PLXDC2: variants seen among roughly 807,000 people sequenced by gnomAD.
PLXDC2 encodes the protein plexin domain-containing protein 2.
In PLXDC2, 40 loss-of-function variants were observed where a neutral mutation model predicts 68.9. That is an observed-to-expected ratio of 0.58 (90% CI 0.45 to 0.76). The LOEUF is 0.76. PLXDC2 is among the 30% of genes least tolerant of loss of function. The pLI is 0.00. For missense variants in PLXDC2, 644 were observed against 661.9 expected (o/e 0.97, Z 0.30); for synonymous variants, 243 against 234.2 (o/e 1.04, Z -0.34).
intron 1 of PLXDC2, among the ~76,000 whole-genome samples, chr10:19,953,855 A>G (rs938725042): frequency 6.6e-6 from 1 of 152,146 alleles, no homozygotes; most frequent in Non-Finnish European, 1.5e-5. Flanking sequence ...TATGACAGCA[A>G]ATGTACTGTT....
intron 13 of PLXDC2, among the ~76,000 whole-genome samples, chr10:20,267,899 G>A (rs1355520711): frequency 6.6e-6 from 1 of 150,622 alleles, no homozygotes; most frequent in Non-Finnish European, 1.5e-5. Context: ...CTATCATCTG[G>A]CTCACATAAT....
intron 4 of PLXDC2, among the ~76,000 whole-genome samples, chr10:20,126,895 A>C (rs890709942): frequency 2.0e-5 from 3 of 146,736 alleles, no homozygotes; most frequent in Non-Finnish European, 4.5e-5. Flanking sequence ...ATACTATATA[A>C]TATATGTATA....
intron 12 of PLXDC2, among the ~76,000 whole-genome samples, chr10:20,224,803 C>T (rs1221668076): frequency 2.0e-5 from 3 of 152,152 alleles, no homozygotes; most frequent in Admixed American, 2.0e-4. Context: ...AAAGTTTCTT[C>T]TCTTTGATCG....
intron 4 of PLXDC2, among the ~76,000 whole-genome samples, chr10:20,113,820 A>G (rs965004149): frequency 6.6e-6 from 1 of 152,146 alleles, no homozygotes; most frequent in Non-Finnish European, 1.5e-5. Context: ...GCTTATCAGA[A>G]TGCTCTTCCA....
intron 9 of PLXDC2, among the ~76,000 whole-genome samples, chr10:20,188,756 G>A (rs527259600): frequency 6.6e-6 from 1 of 151,910 alleles, no homozygotes; most frequent in East Asian, 1.9e-4. Context: ...AGAAGCTTTT[G>A]AATAAGTGTA....
In PLXDC2 at chr10:19,817,059, T is replaced by C; in HGVS notation, c.-21T>C. 6.8e-7 allele frequency: 1 copy of C among 1,474,036 alleles called. No homozygotes were observed. The allele number at this position is 1,474,036 out of a possible 1,614,324, so 91.3% of individuals were successfully genotyped here. Reference sequence around the variant, plus strand: ...ACCGGCGAAGGACTGGCGGGTGGGGTAGGGAGGTGGCGGCGGCGGCATGGC... The same window carrying C: ...ACCGGCGAAGGACTGGCGGGTGGGGCAGGGAGGTGGCGGCGGCGGCATGGC... On this transcript the variant is annotated 5_prime_UTR_variant, in exon 1 of 14. Transcript: ENST00000377252.
intron 1 of PLXDC2, among the ~76,000 whole-genome samples, chr10:19,884,210 A>G (rs1837796941): frequency 6.6e-6 from 1 of 151,856 alleles, no homozygotes; most frequent in South Asian, 2.1e-4. Flanking sequence ...ACTTTTCAAA[A>G]GTATTGAGGA....
intron 12 of PLXDC2, among the ~76,000 whole-genome samples, chr10:20,240,128 T>C (rs1835495240): frequency 6.6e-6 from 1 of 152,196 alleles, no homozygotes; most frequent in Non-Finnish European, 1.5e-5. Context: ...CCCTTCTTTG[T>C]GTCCGTATGT....
chr10:20,201,318 C>T (rs570640400), intron 9 of PLXDC2, among the ~76,000 whole-genome samples: 1 of 151,904 alleles, frequency 6.6e-6, no homozygotes, highest in Non-Finnish European at 1.5e-5. Flanking sequence ...CATTCTCATT[C>T]ATATGCAGAA....
intron 2 of PLXDC2, among the ~76,000 whole-genome samples, chr10:20,032,261 G>A (rs927775001): frequency 2.6e-5 from 4 of 152,194 alleles, no homozygotes; most frequent in Non-Finnish European, 5.9e-5. Flanking sequence ...CAGGTGCAAT[G>A]TATGATGTTG....
In PLXDC2 at chr10:20,075,481, C is replaced by T. The variant is rs1458311599; in HGVS notation, c.541+7242C>T. On this transcript the variant is annotated intron_variant, in intron 4 of 13. Transcript: ENST00000377252. ...CTGGGATTACAGGTGTGAGACACTGCGCCAAGCTATGTTGTTTTGTCTTTC... is the reference window on the plus strand; with the variant it reads ...CTGGGATTACAGGTGTGAGACACTGTGCCAAGCTATGTTGTTTTGTCTTTC... 7.2e-5 allele frequency among the ~76,000 whole-genome samples: 11 copies of T among 152,246 alleles called. No homozygotes were observed. The East Asian group carries it at 9.7e-4, about 13-fold the overall frequency.
chr10:20,263,893 A>G (rs1835839672), intron 13 of PLXDC2, among the ~76,000 whole-genome samples: 1 of 152,188 alleles, frequency 6.6e-6, no homozygotes, highest in African/African-American at 2.4e-5. Flanking sequence ...TAGTTCAACC[A>G]TTGTGAAAAT....
chr10:20,230,693 C>CAAA (rs1191613913), intron 12 of PLXDC2, among the ~76,000 whole-genome samples: 10,031 of 37,742 alleles, frequency 0.27, 2,411 homozygotes, highest in African/African-American at 0.36. Context: ...GACCTTGTCT[C>CAAA]AAAAAAAAAA....
At chr10:20,207,732 G>T (rs1441858524) in intron 9 of PLXDC2, among the ~76,000 whole-genome samples, 2 of 152,136 alleles carry the variant, frequency 1.3e-5, no homozygotes, top group Non-Finnish European at 2.9e-5. Context: ...AGCAGAGATG[G>T]CCTTGACCAA....
chr10:20,199,293 A>G (rs2131846291), intron 9 of PLXDC2, among the ~76,000 whole-genome samples: 1 of 152,094 alleles, frequency 6.6e-6, no homozygotes, highest in African/African-American at 2.4e-5. Context: ...AATAAATATC[A>G]TTTTACAACA....
chr10:20,254,591 T>C (rs1322552700), intron 13 of PLXDC2, among the ~76,000 whole-genome samples: 1 of 152,234 alleles, frequency 6.6e-6, no homozygotes, highest in East Asian at 1.9e-4. Context: ...TATTTATATT[T>C]CTTAGCCGAA....
At chr10:20,249,848 C>T (rs1238596695) in intron 13 of PLXDC2, among the ~76,000 whole-genome samples, 1 of 152,128 alleles carries the variant, frequency 6.6e-6, no homozygotes. Flanking sequence ...AGATATGTCC[C>T]AGTTTCAATT....
intron 1 of PLXDC2, among the ~76,000 whole-genome samples, chr10:19,881,341 C>G (rs975009420): frequency 6.6e-6 from 1 of 152,090 alleles, no homozygotes; most frequent in Non-Finnish European, 1.5e-5. Context: ...GTCTTGAACT[C>G]CTGACCTCAA....
chr10:19,886,498 C>T (rs1837848638), intron 1 of PLXDC2, among the ~76,000 whole-genome samples: 1 of 152,116 alleles, frequency 6.6e-6, no homozygotes, highest in East Asian at 1.9e-4. Flanking sequence ...TGTAATCCAG[C>T]ATATAAACAG....
Sources: allele counts gnomAD v4.1 joint callset (sites outside exome capture counted in the v4.1 genomes callset), GRCh38; gene constraint gnomAD v4.1.1; transcripts MANE v1.5; gene names NCBI Gene and HGNC (gene_info 2026-07-23, HGNC 2026-07-21).